DPH6: variants seen among roughly 807,000 people sequenced by gnomAD.
The protein encoded by DPH6 is diphthamine biosynthesis 6.
DPH6 carries 33 observed loss-of-function variants against 38.2 expected under a neutral mutation model. The ratio of observed to expected loss-of-function variants is 0.86; its 90% CI spans 0.65 to 1.15. The LOEUF (loss-of-function observed/expected upper bound fraction) is 1.15. Among genes scored for constraint, DPH6 ranks in the 50% most tolerant of loss-of-function variants. DPH6 has a pLI of 0.00. For synonymous variants in DPH6, 108 were observed against 103.0 expected (o/e 1.05, Z -0.30); for missense variants, 325 against 320.0 (o/e 1.02, Z -0.12).
the DPH6 span, among the ~76,000 whole-genome samples, chr15:35,171,151 C>A: frequency 2.6e-5 from 4 of 152,222 alleles, no homozygotes; most frequent in East Asian, 7.7e-4. Flanking sequence ...GCCACAGCTT[C>A]ACATTCCATT....
chr15:35,364,298 C>A (rs1278643038), intron 3 of DPH6, among the ~76,000 whole-genome samples: 3 of 152,010 alleles, frequency 2.0e-5, no homozygotes, highest in Non-Finnish European at 2.9e-5. Context: ...ACAATTAGCA[C>A]TTTGTTCTAT....
At chr15:35,270,369 G>A (rs1237364948) in intron 3 of DPH6, among the ~76,000 whole-genome samples, 1 of 152,166 alleles carries the variant, frequency 6.6e-6, no homozygotes, top group Admixed American at 6.5e-5. Context: ...CAGCTATTTT[G>A]TTATCTGTAT....
intron 3 of DPH6, among the ~76,000 whole-genome samples, chr15:35,347,433 T>C (rs2052472372): frequency 6.6e-6 from 1 of 151,220 alleles, no homozygotes; most frequent in Admixed American, 6.6e-5. Context: ...ATTGTAAGTG[T>C]GAGCCACCAC....
intron 3 of DPH6, among the ~76,000 whole-genome samples, chr15:35,531,408 G>A (rs537477285): frequency 6.6e-6 from 1 of 152,226 alleles, no homozygotes; most frequent in East Asian, 1.9e-4. Context: ...AAGACAAAAT[G>A]AATTTGCCAA....
chr15:35,230,408 C>G lies in DPH6; in HGVS notation n.201-9826G>C, dbSNP rs72707087. Among the ~76,000 whole-genome samples, 469 of 152,230 alleles carry G rather than the reference C, an allele frequency of 3.1e-3. 2 individuals carry two copies. Among genetic ancestry groups the G allele is most frequent in the African/African-American group, 5.6e-3 (231 of 41,544 alleles). Reference sequence around the variant, plus strand: ...GAATGCTGCCTGCCCTAGGACTCACCTCTCAGGGGAGTGGGCTCCCCTTCT... The same window carrying G: ...GAATGCTGCCTGCCCTAGGACTCACGTCTCAGGGGAGTGGGCTCCCCTTCT... On this transcript the variant is annotated intron_variant and non_coding_transcript_variant, in intron 3 of 3. Coordinates refer to the DPH6 transcript ENST00000560386.
At chr15:35,412,128 T>C (rs998812269) in intron 5 of DPH6, among the ~76,000 whole-genome samples, 1 of 151,566 alleles carries the variant, frequency 6.6e-6, no homozygotes, top group African/African-American at 2.4e-5. Context: ...TATTATCTAA[T>C]ATATACAAAG....
At chr15:35,227,377 G>C (rs1362691620) in intron 3 of DPH6, among the ~76,000 whole-genome samples, 1 of 151,376 alleles carries the variant, frequency 6.6e-6, no homozygotes, top group African/African-American at 2.4e-5. Flanking sequence ...TAGAGATAGG[G>C]TTTCACCGTG....
At chr15:35,507,347 T>G (rs2054708155) in intron 3 of DPH6, among the ~76,000 whole-genome samples, 1 of 152,032 alleles carries the variant, frequency 6.6e-6, no homozygotes, top group Non-Finnish European at 1.5e-5. Context: ...TTTCTATGTA[T>G]GTATGAATAG....
At chr15:35,322,650 G>C (rs961054922) in intron 3 of DPH6, among the ~76,000 whole-genome samples, 2 of 152,072 alleles carry the variant, frequency 1.3e-5, no homozygotes, top group Non-Finnish European at 2.9e-5. Context: ...TTTTGGGTGG[G>C]AGCTTTAATC....
chr15:35,188,424 A>C, the DPH6 span, among the ~76,000 whole-genome samples: 1 of 152,202 alleles, frequency 6.6e-6, no homozygotes, highest in Non-Finnish European at 1.5e-5. Flanking sequence ...GGAAGAATCA[A>C]GACAGAAGGA....
At chr15:35,423,870 G>A (rs1398988253) in intron 5 of DPH6, among the ~76,000 whole-genome samples, 1 of 151,690 alleles carries the variant, frequency 6.6e-6, no homozygotes, top group African/African-American at 2.4e-5. Context: ...TGGAAGATCA[G>A]TTGACCATAG....
rs142512663 is a variant in DPH6, at chr15:35,310,095, C to A, written n.200+63426G>T. On this transcript the variant is annotated intron_variant and non_coding_transcript_variant, in intron 3 of 3. Coordinates refer to the DPH6 transcript ENST00000560386. Reference sequence around the variant, plus strand: ...TTGGAAACCCAGAACCCATTCCAGACCAATTAAATCAGAATGAAACTCATC... The same window carrying A: ...TTGGAAACCCAGAACCCATTCCAGAACAATTAAATCAGAATGAAACTCATC... Among the ~76,000 whole-genome samples, 370 of 152,264 alleles carry A rather than the reference C, an allele frequency of 2.4e-3. 1 individual carries two copies. Among genetic ancestry groups the A allele is most frequent in the African/African-American group, 8.3e-3 (345 of 41,538 alleles).
intron 3 of DPH6, among the ~76,000 whole-genome samples, chr15:35,320,703 T>C (rs2052233444): frequency 6.6e-6 from 1 of 152,212 alleles, no homozygotes; most frequent in Non-Finnish European, 1.5e-5. Flanking sequence ...GTCAACTTTG[T>C]TGTAATTGGC....
intron 7 of DPH6, among the ~76,000 whole-genome samples, chr15:35,381,375 A>G (rs2140938339): frequency 6.6e-6 from 1 of 152,326 alleles, no homozygotes; most frequent in Non-Finnish European, 1.5e-5. Context: ...ACCCCAAATA[A>G]CTGAAGAGAA....
At chr15:35,205,249 C>T in the DPH6 span, among the ~76,000 whole-genome samples, 7 of 151,894 alleles carry the variant, frequency 4.6e-5, no homozygotes, top group African/African-American at 1.7e-4. Context: ...AGAGTTCTAT[C>T]AGAATATTCT....
chr15:35,428,131 G>A (rs928400902), intron 5 of DPH6, among the ~76,000 whole-genome samples: 2 of 151,948 alleles, frequency 1.3e-5, no homozygotes, highest in African/African-American at 4.8e-5. Context: ...GTCTGTGTAA[G>A]CATCAAATTT....
the DPH6 span, among the ~76,000 whole-genome samples, chr15:35,197,807 G>A: frequency 9.2e-4 from 140 of 152,238 alleles, no homozygotes; most frequent in African/African-American, 1.6e-3. Flanking sequence ...AATGCAAACA[G>A]GGGAATTTTT....
At chr15:35,316,082 C>T (rs1313332188) in intron 3 of DPH6, among the ~76,000 whole-genome samples, 1 of 151,794 alleles carries the variant, frequency 6.6e-6, no homozygotes, top group Non-Finnish European at 1.5e-5. Flanking sequence ...TTAATAGGTA[C>T]AAATACATGG....
At position 35,454,898 on chromosome 15, in the gene DPH6, T is replaced by C. The variant is rs1333974345; in HGVS notation, c.313-78A>G. On this transcript the variant is annotated intron_variant, in intron 3 of 8. Coordinates refer to ENST00000256538, the MANE Select transcript of DPH6 (RefSeq NM_080650.4). ...CACATCATGCTCTGAAAATTATAAA[T>C]GAACTGTGTCTCATCTAGAAAACTA... 4 of 1,085,856 alleles carry C rather than the reference T, an allele frequency of 3.7e-6. No individual in the cohort carries two copies. In the African/African-American group the frequency reaches 4.8e-5, roughly 13 times the overall value. 67.3% of individuals were successfully genotyped at this position (1,085,856 alleles called of 1,614,324 possible).
Sources: gnomAD v4.1 joint callset for allele counts (sites outside exome capture counted in the v4.1 genomes callset) on GRCh38, gnomAD v4.1.1 for gene constraint, MANE v1.5 for transcripts, NCBI Gene and HGNC (gene_info 2026-07-23, HGNC 2026-07-21) for gene names.